TMEM132C: variants seen among roughly 807,000 people sequenced by gnomAD.
TMEM132C encodes the protein transmembrane protein 132C, also known as protein phosphatase 1, regulatory subunit 152.
TMEM132C carries 29 observed loss-of-function variants against 61.4 expected under a neutral mutation model. The ratio of observed to expected loss-of-function variants is 0.47; its 90% CI spans 0.35 to 0.64. The LOEUF is 0.64. Among genes scored for constraint, TMEM132C ranks in the 30% least tolerant of loss-of-function variants. The pLI, the probability that TMEM132C is intolerant of heterozygous loss-of-function variation, is 0.00. For synonymous variants in TMEM132C, 656 were observed against 633.1 expected (o/e 1.04, Z -0.54); for missense variants, 1,408 against 1,476.9 (o/e 0.95, Z 0.76).
chr12:128,419,460 G>A (rs978072515), intron 2 of TMEM132C, among the ~76,000 whole-genome samples: 2 of 152,120 alleles, frequency 1.3e-5, no homozygotes, highest in African/African-American at 4.8e-5. Context: ...CCATGGAATT[G>A]CACAGTGTAC....
intron 8 of TMEM132C, among the ~76,000 whole-genome samples, chr12:128,698,758 C>T (rs367602370): frequency 7.9e-5 from 12 of 152,194 alleles, no homozygotes; most frequent in Non-Finnish European, 1.6e-4. Context: ...TGGTGACTTG[C>T]GGCCACAATA....
intron 2 of TMEM132C, among the ~76,000 whole-genome samples, chr12:128,427,426 G>GTA (rs1164034594): frequency 1.6e-4 from 23 of 142,290 alleles, no homozygotes; most frequent in African/African-American, 5.0e-4. Flanking sequence ...GTGTGTGTGT[G>GTA]TGTATATATA....
rs939089634 is a variant in TMEM132C, at chr12:128,705,344, C to A, written c.2376C>A (p.Val792=). The A allele has an allele frequency of 6.4e-7, 1 of 1,551,420 alleles. No homozygotes were observed. The highest frequency in any genetic ancestry group is 8.7e-7 in the Non-Finnish European group (1 of 1,146,922). The change falls in exon 9 of 9, where the codon GTC becomes GTA. Residue 792 remains valine (V), a synonymous_variant. Transcript: ENST00000435159. ...GCAAGAGCATCCTGGCTGTGGGCGT[C>A]GGCAACGTCAGGGTCAAGTTCGGAC... ...SKRKSILAVG[V]GNVRVKFGQN... is the part of the protein sequence containing the mutation.
chr12:128,585,607 C>T (rs190924924), intron 3 of TMEM132C, among the ~76,000 whole-genome samples: 7 of 152,318 alleles, frequency 4.6e-5, no homozygotes, highest in African/African-American at 1.7e-4. Context: ...TATTGTATAG[C>T]CATTTAAAAT....
At chr12:128,629,970 T>TAAAA (rs35956352) in intron 4 of TMEM132C, among the ~76,000 whole-genome samples, 1 of 135,018 alleles carries the variant, frequency 7.4e-6, no homozygotes, top group Non-Finnish European at 1.6e-5. Context: ...CCGTCTAAAT[T>TAAAA]AAAAAAAAAA....
chr12:128,699,282 T>G (rs1358933027), intron 8 of TMEM132C, among the ~76,000 whole-genome samples: 1 of 152,156 alleles, frequency 6.6e-6, no homozygotes, highest in Non-Finnish European at 1.5e-5. Flanking sequence ...ACTTATTGGC[T>G]CACAGTGCGG....
At chr12:128,572,032 T>C (rs1175406189) in intron 3 of TMEM132C, among the ~76,000 whole-genome samples, 1 of 151,914 alleles carries the variant, frequency 6.6e-6, no homozygotes, top group Non-Finnish European at 1.5e-5. Context: ...TGGCCAGACC[T>C]GGGTCACATT....
chr12:128,589,426 C>G (rs1294647587), intron 3 of TMEM132C, among the ~76,000 whole-genome samples: 2 of 152,080 alleles, frequency 1.3e-5, no homozygotes, highest in Non-Finnish European at 2.9e-5. Flanking sequence ...CCAACCCACA[C>G]TGCCCGTCCG....
chr12:128,367,158 G>C (rs1470174082), intron 1 of TMEM132C, among the ~76,000 whole-genome samples: 1 of 152,210 alleles, frequency 6.6e-6, no homozygotes, highest in Admixed American at 6.5e-5. Context: ...GGCAGCCATT[G>C]TGACAGGGGC....
chr12:128,585,532 A>G (rs999779002), intron 3 of TMEM132C, among the ~76,000 whole-genome samples: 46 of 152,268 alleles, frequency 3.0e-4, no homozygotes, highest in African/African-American at 1.1e-3. Context: ...GCACAAAGGC[A>G]CTGAGACATC....
intron 3 of TMEM132C, among the ~76,000 whole-genome samples, chr12:128,553,304 T>C (rs955018174): frequency 6.6e-6 from 1 of 152,078 alleles, no homozygotes; most frequent in African/African-American, 2.4e-5. Context: ...TTTCTTCTCC[T>C]TACCTTTTTA....
rs574805786 is a variant in TMEM132C at position 128,619,375 on chromosome 12, C to T, written c.1305+3040C>T. Among the ~76,000 whole-genome samples the T allele has an allele frequency of 4.7e-4, 72 of 152,346 alleles. 3 individuals are homozygous for T. In the South Asian group the frequency reaches 0.014, roughly 29 times the overall value. On this transcript the variant is annotated intron_variant, in intron 4 of 8. Transcript: ENST00000435159. ...ATTCAGCCACAGCATTCCCCGTCAC[C>T]TACTGCCTCTGACTCCCCCTGAGTA... is the stretch of plus-strand genomic sequence containing the variant.
rs1954846882 is a variant in TMEM132C at position 128,707,031 on chromosome 12, TTAAG to T, written c.*739_*742del. 1 of 152,364 alleles carries T rather than the reference TTAAG, an allele frequency of 6.6e-6. No homozygotes were observed. Among genetic ancestry groups the T allele is most frequent in the East Asian group, 1.9e-4 (1 of 5,188 alleles). 9.4% of individuals were successfully genotyped at this position (152,364 alleles called of 1,614,324 possible). Reference sequence around the variant, plus strand: ...GGAACAATGCCAATTAATCCATTGTTTAAGTAGTAACTTGAATGTTTTTCTATAT... The same window carrying T: ...GGAACAATGCCAATTAATCCATTGTTTAGTAACTTGAATGTTTTTCTATAT... On this transcript the variant is annotated 3_prime_UTR_variant, in exon 9 of 9. Coordinates refer to ENST00000435159, the MANE Select transcript of TMEM132C (RefSeq NM_001136103.3).
intron 1 of TMEM132C, among the ~76,000 whole-genome samples, chr12:128,313,264 T>A (rs572849746): frequency 1.2e-3 from 190 of 152,312 alleles, no homozygotes; most frequent in African/African-American, 4.2e-3. Context: ...GCACATATGA[T>A]AGGACATCAC....
At chr12:128,323,415 A>G (rs1872399858) in intron 1 of TMEM132C, among the ~76,000 whole-genome samples, 1 of 152,252 alleles carries the variant, frequency 6.6e-6, no homozygotes, top group Non-Finnish European at 1.5e-5. Flanking sequence ...ATTTTAGCCG[A>G]AGAATATTCA....
intron 2 of TMEM132C, among the ~76,000 whole-genome samples, chr12:128,512,086 T>C (rs1388372462): frequency 6.6e-6 from 1 of 150,710 alleles, no homozygotes; most frequent in African/African-American, 2.4e-5. Flanking sequence ...CACTGCCAGT[T>C]TTTTTTTTCT....
At chr12:128,690,638 C>T (rs1347283639) in intron 5 of TMEM132C, among the ~76,000 whole-genome samples, 1 of 152,182 alleles carries the variant, frequency 6.6e-6, no homozygotes, top group Non-Finnish European at 1.5e-5. Flanking sequence ...GACTGTTGTG[C>T]TAATGCCTTC....
At chr12:128,408,813 A>G (rs1565927421) in intron 1 of TMEM132C, among the ~76,000 whole-genome samples, 1 of 152,210 alleles carries the variant, frequency 6.6e-6, no homozygotes, top group Non-Finnish European at 1.5e-5. Context: ...TTGAAAAGCC[A>G]TCTTGACAAT....
intron 2 of TMEM132C, among the ~76,000 whole-genome samples, chr12:128,505,211 G>A (rs1210719730): frequency 2.0e-5 from 3 of 152,152 alleles, no homozygotes; most frequent in Non-Finnish European, 4.4e-5. Context: ...ATGCAGTCAG[G>A]GAAAGGAATG....
Sources: allele counts gnomAD v4.1 joint callset (sites outside exome capture counted in the v4.1 genomes callset), GRCh38; gene constraint gnomAD v4.1.1; transcripts MANE v1.5; gene names NCBI Gene and HGNC (gene_info 2026-07-23, HGNC 2026-07-21).